Variants in NEK11 observed in about 807,000 individuals in gnomAD.
NEK11 encodes NIMA related kinase 11, also known as serine/threonine-protein kinase Nek11.
A neutral mutation model predicts 80.7 loss-of-function variants in NEK11; 72 were observed. That is an observed-to-expected ratio of 0.89 (90% CI 0.74 to 1.08). The LOEUF is 1.08. Ranked by LOEUF, NEK11 falls within the 50% of genes least tolerant of loss-of-function variation. The pLI, the probability that NEK11 is intolerant of heterozygous loss-of-function variation, is 0.00. For missense variants in NEK11, 764 were observed against 763.6 expected, an observed-to-expected ratio of 1.00 and a Z score of -0.01; for synonymous variants, 251 against 260.7, an observed-to-expected ratio of 0.96 and a Z score of 0.36.
At chr3:131,174,681 T>C in intron 14 of NEK11, 1 of 1,377,494 alleles carries the variant, frequency 7.3e-7, no homozygotes, top group Non-Finnish European at 1.0e-6. Flanking sequence ...TAACTTCTTA[T>C]ATGTAATGCT....
intron 17 of NEK11, among the ~76,000 whole-genome samples, chr3:131,310,462 A>C (rs2096770382): frequency 1.3e-5 from 2 of 152,234 alleles, no homozygotes; most frequent in South Asian, 4.1e-4. Flanking sequence ...TTTCAGGATT[A>C]GATGCGAGAT....
At chr3:131,201,477 A>G (rs2094224077) in intron 14 of NEK11, among the ~76,000 whole-genome samples, 1 of 152,126 alleles carries the variant, frequency 6.6e-6, no homozygotes, top group Admixed American at 6.6e-5. Flanking sequence ...AAACAAAGGA[A>G]ATGAGAGAGC....
At chr3:131,343,081 T>C (rs547908586) in intron 17 of NEK11, among the ~76,000 whole-genome samples, 24 of 152,120 alleles carry the variant, frequency 1.6e-4, no homozygotes, top group African/African-American at 5.5e-4. Flanking sequence ...AACATAACTC[T>C]TTCAAGAAGT....
In NEK11 at chr3:131,162,479, T is replaced by A; in HGVS notation, c.1034T>A (p.Met345Lys). The A allele has an allele frequency of 6.2e-7, 1 of 1,614,072 alleles. No individual in the cohort carries two copies. The highest frequency in any genetic ancestry group is 8.5e-7 in the Non-Finnish European group (1 of 1,179,974). ...CAGAAAATGACGCCAAGAGAAAGGA[T>A]GCGGCTGAGGAAGCTCCAGGCGGCT... Reference protein sequence around the residue: ...EVQKMTPRERMRLRKLQAADE... With the variant: ...EVQKMTPRERKRLRKLQAADE... The change falls in exon 11 of 18, where the codon ATG becomes AAG. Residue 345 changes from methionine to lysine, a missense_variant. Physicochemically the swap from Met to Lys is moderately conservative, Grantham distance 95. Coordinates refer to ENST00000383366, the MANE Select transcript of NEK11 (RefSeq NM_024800.5).
At chr3:131,058,370 G>A (rs1261302754) in intron 3 of NEK11, among the ~76,000 whole-genome samples, 3 of 151,652 alleles carry the variant, frequency 2.0e-5, no homozygotes, top group Admixed American at 6.6e-5. Flanking sequence ...TTGGCGATGC[G>A]GGCTCTTTTT....
chr3:131,167,435 C>A (rs1346752237), intron 12 of NEK11, among the ~76,000 whole-genome samples: 1 of 152,208 alleles, frequency 6.6e-6, no homozygotes, highest in African/African-American at 2.4e-5. Context: ...CAAGTATGAG[C>A]TTAAATATTA....
At chr3:131,139,986 C>A (rs1194559101) in intron 7 of NEK11, among the ~76,000 whole-genome samples, 1 of 152,066 alleles carries the variant, frequency 6.6e-6, no homozygotes, top group Non-Finnish European at 1.5e-5. Context: ...GTAAAATGTC[C>A]CATGATCCAT....
chr3:131,106,867 G>A (rs1342365915), intron 4 of NEK11, among the ~76,000 whole-genome samples: 1 of 151,916 alleles, frequency 6.6e-6, no homozygotes, highest in Non-Finnish European at 1.5e-5. Flanking sequence ...AAAAATTTTA[G>A]CCAGGTGCCA....
chr3:131,297,587 C>G (rs890880713), intron 17 of NEK11, among the ~76,000 whole-genome samples: 1 of 151,992 alleles, frequency 6.6e-6, no homozygotes, highest in Non-Finnish European at 1.5e-5. Flanking sequence ...GAGTAGGTTG[C>G]GAAAATTTTC....
chr3:131,259,242 C>A (rs2095870142), intron 16 of NEK11, among the ~76,000 whole-genome samples: 1 of 152,136 alleles, frequency 6.6e-6, no homozygotes, highest in East Asian at 1.9e-4. Flanking sequence ...TGCTTTTCTA[C>A]TCCAGCATCC....
At chr3:131,152,283 T>G (rs2089804811) in intron 7 of NEK11, 105 bp from the exon 8 acceptor site, 1 of 893,916 alleles carries the variant, frequency 1.1e-6, no homozygotes, top group African/African-American at 1.7e-5. Context: ...GATTGTATGT[T>G]TGTGCCTCAC....
intron 14 of NEK11, among the ~76,000 whole-genome samples, chr3:131,227,956 C>T (rs1442517702): frequency 1.3e-5 from 2 of 151,946 alleles, no homozygotes; most frequent in Non-Finnish European, 2.9e-5. Context: ...TAGGACCCAC[C>T]AGAGTGAACT....
intron 3 of NEK11, among the ~76,000 whole-genome samples, chr3:131,046,195 C>T (rs561420750): frequency 1.2e-4 from 18 of 152,048 alleles, no homozygotes; most frequent in Admixed American, 2.0e-4. Context: ...TTTGTTTTAT[C>T]GGTCCTGTGA....
At chr3:131,298,688 AGGTGGTGGTGGTGGT>A (rs1019957752) in intron 17 of NEK11, among the ~76,000 whole-genome samples, 2 of 149,830 alleles carry the variant, frequency 1.3e-5, no homozygotes, top group Non-Finnish European at 3.0e-5. Context: ...TAATATGCCT[AGGTGGTGGTGGTGGT>A]GGTGGTGGTG....
chr3:131,176,417 T>C (rs1353756238), intron 14 of NEK11, among the ~76,000 whole-genome samples: 1 of 152,226 alleles, frequency 6.6e-6, no homozygotes. Flanking sequence ...TTGTCACTTA[T>C]TCCACTGAGT....
chr3:131,203,230 C>T (rs1252566563), intron 14 of NEK11, among the ~76,000 whole-genome samples: 1 of 151,992 alleles, frequency 6.6e-6, no homozygotes, highest in African/African-American at 2.4e-5. Flanking sequence ...ACATATACAC[C>T]ATGGAATACT....
chr3:131,199,374 A>T (rs1419743644), intron 14 of NEK11, among the ~76,000 whole-genome samples: 1 of 152,150 alleles, frequency 6.6e-6, no homozygotes, highest in East Asian at 1.9e-4. Context: ...ATAAAACTAT[A>T]ATATATCACA....
chr3:131,315,786 TGTAA>T (rs1448604766), intron 17 of NEK11, among the ~76,000 whole-genome samples: 1 of 152,060 alleles, frequency 6.6e-6, no homozygotes, highest in African/African-American at 2.4e-5. Context: ...GGCTTCCACT[TGTAA>T]GTGAGAACAT....
At chr3:131,165,306 T>C (rs2149991106) in intron 11 of NEK11, 120 bp from the exon 12 acceptor site, 1 of 649,850 alleles carries the variant, frequency 1.5e-6, no homozygotes, top group Non-Finnish European at 2.8e-6. Flanking sequence ...AGAGACCTGA[T>C]GGCCTGGCTT....
Sources: gnomAD v4.1 joint callset for allele counts (sites outside exome capture counted in the v4.1 genomes callset) on GRCh38, gnomAD v4.1.1 for gene constraint, MANE v1.5 for transcripts, NCBI Gene and HGNC (gene_info 2026-07-23, HGNC 2026-07-21) for gene names.